CDH4: variants seen among roughly 807,000 people sequenced by gnomAD.
CDH4 encodes cadherin-4.
Under a neutral mutation model 86.0 loss-of-function variants are expected in CDH4, and 33 were observed. The ratio of observed to expected loss-of-function variants is 0.38; its 90% CI spans 0.29 to 0.51. The LOEUF (loss-of-function observed/expected upper bound fraction) is 0.51, where lower values mean the gene tolerates loss of function less well. Among genes scored for constraint, CDH4 ranks in the 20% least tolerant of loss-of-function variants. The probability of loss-of-function intolerance (pLI) is 0.86; values close to 1 mark genes in which losing one functional copy is unlikely to be tolerated. For missense variants in CDH4, 1,114 were observed against 1,307.4 expected, an observed-to-expected ratio of 0.85 and a Z score of 2.28; for synonymous variants, 555 against 549.4, an observed-to-expected ratio of 1.01 and a Z score of -0.14.
intron 2 of CDH4, among the ~76,000 whole-genome samples, chr20:61,379,179 C>G (rs1019614281): frequency 6.6e-6 from 1 of 152,084 alleles, no homozygotes; most frequent in Non-Finnish European, 1.5e-5. Flanking sequence ...AGACTAACAC[C>G]AGGGTGTGAA....
intron 2 of CDH4, among the ~76,000 whole-genome samples, chr20:61,495,840 T>G (rs996715761): frequency 9.7e-5 from 14 of 143,836 alleles, no homozygotes; most frequent in African/African-American, 3.7e-4. Flanking sequence ...GTGGTGGAGG[T>G]TGTGGTGAGC....
In CDH4 at chr20:61,743,599, A is replaced by G. The variant is rs182629710; in HGVS notation, c.206A>G (p.Gln69Arg). 170 of 1,577,988 alleles carry G rather than the reference A, an allele frequency of 1.1e-4. No individual in the cohort carries two copies. Among genetic ancestry groups the G allele is most frequent in the Middle Eastern group, 5.0e-4 (3 of 6,018 alleles). ...FSSCVGTKGT[Q>R]YETNSMDFKV... Reference sequence around the variant, plus strand: ...AGCTGTGTGGGGACCAAGGGGACACAATATGAGACCAACAGCATGGACTTC... The same window carrying G: ...AGCTGTGTGGGGACCAAGGGGACACGATATGAGACCAACAGCATGGACTTC... Residue 69 changes from glutamine (Q) to arginine (R), a missense_variant, in exon 3 of 16, where the codon CAA becomes CGA. Physicochemically the swap from Gln to Arg is conservative, Grantham distance 43. This residue lies in a region of CDH4 where 221 missense variants were observed against 209.5 expected (regional missense o/e 1.05). Coordinates refer to ENST00000614565, the MANE Select transcript of CDH4 (RefSeq NM_001794.5).
intron 8 of CDH4, among the ~76,000 whole-genome samples, chr20:61,903,965 T>C (rs2054758156): frequency 6.6e-6 from 1 of 152,246 alleles, no homozygotes; most frequent in African/African-American, 2.4e-5. Context: ...TCTCTGCTGC[T>C]GCCCGCTGCC....
chr20:61,256,640 G>A (rs1189120161), intron 2 of CDH4, among the ~76,000 whole-genome samples: 1 of 152,176 alleles, frequency 6.6e-6, no homozygotes, highest in Non-Finnish European at 1.5e-5. Context: ...CATGCCCCTG[G>A]GTGAATCTGG....
chr20:61,617,463 T>C (rs921180018), intron 2 of CDH4, among the ~76,000 whole-genome samples: 2 of 152,156 alleles, frequency 1.3e-5, no homozygotes, highest in Admixed American at 6.5e-5. Context: ...GAAGCCCCCA[T>C]TGCAGGCTGA....
At chr20:61,661,095 G>GGGA (rs2087251783) in intron 2 of CDH4, among the ~76,000 whole-genome samples, 1 of 139,088 alleles carries the variant, frequency 7.2e-6, no homozygotes, top group Non-Finnish European at 1.6e-5. Flanking sequence ...GGGGGGGGGG[G>GGGA]AGACACAGTG....
chr20:61,402,444 GA>G (rs1438119486), intron 2 of CDH4, among the ~76,000 whole-genome samples: 12 of 151,700 alleles, frequency 7.9e-5, no homozygotes, highest in African/African-American at 2.9e-4. Context: ...ACCCAGGCTG[GA>G]GTGCAGTGGT....
intron 2 of CDH4, among the ~76,000 whole-genome samples, chr20:61,405,809 T>G (rs942908654): frequency 6.6e-6 from 1 of 151,880 alleles, no homozygotes; most frequent in Non-Finnish European, 1.5e-5. Flanking sequence ...TTCTCCCGAG[T>G]AGCTGGGACT....
At chr20:61,400,455 A>G (rs896392493) in intron 2 of CDH4, among the ~76,000 whole-genome samples, 7 of 152,184 alleles carry the variant, frequency 4.6e-5, no homozygotes, top group African/African-American at 1.7e-4. Flanking sequence ...TGCAGCCTAG[A>G]TGATCCCCGG....
At position 61,501,067 on chromosome 20, in the gene CDH4, C is replaced by G. The variant is rs1056192612; in HGVS notation, c.170-242496C>G. On this transcript the variant is annotated intron_variant, in intron 2 of 15. Transcript: ENST00000614565. This position sits in a 1 kb window ranked among gnomAD's most constrained non-coding sequence, Gnocchi z 4.2. ...AATGGGGAGGAGAGAACTTTCTTCT[C>G]CGACAGACGGTTCATGATTTCCAAG... 6.6e-6 allele frequency among the ~76,000 whole-genome samples: 1 copy of G among 152,194 alleles called. No individual in the cohort carries two copies. The highest frequency in any genetic ancestry group is 2.4e-5 in the African/African-American group (1 of 41,448).
chr20:61,505,881 C>G (rs992766457), intron 2 of CDH4, among the ~76,000 whole-genome samples: 4 of 143,348 alleles, frequency 2.8e-5, no homozygotes, highest in Admixed American at 1.3e-4. Flanking sequence ...TGTTTCCATT[C>G]TTCCCAATTA....
At chr20:61,430,455 G>A (rs1335878953) in intron 2 of CDH4, among the ~76,000 whole-genome samples, 1 of 152,166 alleles carries the variant, frequency 6.6e-6, no homozygotes, top group Non-Finnish European at 1.5e-5. Context: ...GTAATTGCAG[G>A]AGGAAATGGG....
intron 6 of CDH4, among the ~76,000 whole-genome samples, chr20:61,868,970 A>G (rs1178363143): frequency 6.6e-6 from 1 of 152,072 alleles, no homozygotes; most frequent in Non-Finnish European, 1.5e-5. Flanking sequence ...AGACGTGGCA[A>G]ACGTGGCAGG....
At chr20:61,500,814 C>T (rs117253332) in intron 2 of CDH4, among the ~76,000 whole-genome samples, 1,708 of 152,318 alleles carry the variant, frequency 0.011, 15 homozygotes, top group Middle Eastern at 0.031. Flanking sequence ...CCTCACAGCC[C>T]ATCCAGAATG....
At chr20:61,665,007 C>T (rs570178648) in intron 2 of CDH4, among the ~76,000 whole-genome samples, 4 of 152,356 alleles carry the variant, frequency 2.6e-5, no homozygotes, top group South Asian at 2.1e-4. Context: ...CCAACCCATT[C>T]GTCTGAGATT....
At chr20:61,598,701 C>T (rs2086575340) in intron 2 of CDH4, among the ~76,000 whole-genome samples, 1 of 152,206 alleles carries the variant, frequency 6.6e-6, no homozygotes, top group Non-Finnish European at 1.5e-5. Flanking sequence ...AGCCACAGGC[C>T]AGATCTCATC....
intron 12 of CDH4, among the ~76,000 whole-genome samples, chr20:61,928,934 G>A (rs2055075542): frequency 6.6e-6 from 1 of 151,980 alleles, no homozygotes; most frequent in South Asian, 2.1e-4. Flanking sequence ...CCACCTTTAG[G>A]CCAAAGTCAT....
rs571541534 is a variant in CDH4, at chr20:61,505,963, C to T, written c.170-237600C>T. The stretch of plus-strand genomic sequence containing the variant: ...CATGCAGGAATCTGCCAGGTCCATT[C>T]GAAGTCTGGTGATGGTACGAAAACA... On this transcript the variant is annotated intron_variant, in intron 2 of 15. Coordinates refer to ENST00000614565, the MANE Select transcript of CDH4 (RefSeq NM_001794.5). Among the ~76,000 whole-genome samples, 12 of 152,300 alleles carry T rather than the reference C, an allele frequency of 7.9e-5. No homozygotes were observed. The South Asian group carries it at 1.9e-3, about 24-fold the overall frequency.
Position 61,510,169 on chromosome 20 carries a change from C to T in CDH4, c.170-233394C>T, listed in dbSNP as rs758704390. On this transcript the variant is annotated intron_variant, in intron 2 of 15. Coordinates refer to ENST00000614565, the MANE Select transcript of CDH4 (RefSeq NM_001794.5). The surrounding 1 kb of genome is among the most constrained non-coding windows in gnomAD (Gnocchi z 4.2). ...AATCTGATCAGAAAGAGCTTCAACC[C>T]GGAAATTTAGTGATTTGCAATATGC... Among the ~76,000 whole-genome samples, 1 of 152,092 alleles carries T rather than the reference C, an allele frequency of 6.6e-6. No homozygotes were observed. The highest frequency in any genetic ancestry group is 1.9e-4 in the East Asian group (1 of 5,194).
Sources: gnomAD v4.1 joint callset for allele counts (sites outside exome capture counted in the v4.1 genomes callset) on GRCh38, gnomAD v4.1.1 for gene constraint, gnomAD v4.1.1 regional missense constraint, Gnocchi (gnomAD v3.1) non-coding constraint, MANE v1.5 for transcripts, NCBI Gene and HGNC (gene_info 2026-07-23, HGNC 2026-07-21) for gene names.